The following SLC35F3 variants were observed in gnomAD, a reference collection of about 807,000 sequenced individuals.
SLC35F3 encodes the protein putative thiamine transporter SLC35F3.
SLC35F3 carries 25 observed loss-of-function variants against 49.9 expected under a neutral mutation model. The observed-to-expected ratio is 0.50, with a 90% CI of 0.37 to 0.70. The LOEUF (loss-of-function observed/expected upper bound fraction) is 0.70. Among genes scored for constraint, SLC35F3 ranks in the 30% least tolerant of loss-of-function variants. The pLI, the probability that SLC35F3 is intolerant of heterozygous loss-of-function variation, is 0.00. For missense variants in SLC35F3, 525 were observed against 639.8 expected, an observed-to-expected ratio of 0.82 and a Z score of 1.94; for synonymous variants, 275 against 265.4, an observed-to-expected ratio of 1.04 and a Z score of -0.35.
intron 2 of SLC35F3, among the ~76,000 whole-genome samples, chr1:233,922,007 G>GTA (rs995013663): frequency 2.0e-5 from 3 of 152,174 alleles, no homozygotes; most frequent in African/African-American, 7.2e-5. Context: ...ATTCCATGGT[G>GTA]TATATGTGCC....
intron 2 of SLC35F3, among the ~76,000 whole-genome samples, chr1:234,139,567 TC>T (rs1230778632): frequency 6.6e-6 from 1 of 152,158 alleles, no homozygotes. Context: ...AATACAGTCG[TC>T]CCCACTTATC....
At chr1:233,925,811 C>T (rs559071418) in intron 2 of SLC35F3, among the ~76,000 whole-genome samples, 2 of 152,236 alleles carry the variant, frequency 1.3e-5, no homozygotes, top group Admixed American at 1.3e-4. Flanking sequence ...TTCAGGAGCT[C>T]TTGTAAGGCA....
intron 2 of SLC35F3, among the ~76,000 whole-genome samples, chr1:234,197,485 G>T (rs115666096): frequency 6.6e-6 from 1 of 152,240 alleles, no homozygotes. Flanking sequence ...CCAGCACAGT[G>T]CCTGGTACAT....
chr1:233,982,294 G>C (rs1392424860), intron 2 of SLC35F3, among the ~76,000 whole-genome samples: 1 of 152,158 alleles, frequency 6.6e-6, no homozygotes, highest in African/African-American at 2.4e-5. Context: ...TGTACTATCA[G>C]TCCACGTCTT....
chr1:233,971,802 T>A (rs1662998312), intron 2 of SLC35F3, among the ~76,000 whole-genome samples: 1 of 151,060 alleles, frequency 6.6e-6, no homozygotes, highest in Non-Finnish European at 1.5e-5. Context: ...CAAAGACCAG[T>A]CTTATTAGCT....
chr1:234,194,098 A>G lies in SLC35F3; in HGVS notation c.284-37319A>G, dbSNP rs575899210. On this transcript the variant is annotated intron_variant, in intron 2 of 7. Transcript: ENST00000366618. ...AACTTCCATTTGATCCAAAAGTCCC[A>G]TTACTGGGTATATACCCAGAGGAAA... Among the ~76,000 whole-genome samples the G allele has an allele frequency of 5.3e-5, 8 of 151,712 alleles. No individual in the cohort carries two copies. The South Asian group carries it at 1.1e-3, about 20-fold the overall frequency.
At chr1:234,165,038 T>TTGTGTGTGTG (rs58676109) in intron 2 of SLC35F3, among the ~76,000 whole-genome samples, 4 of 137,880 alleles carry the variant, frequency 2.9e-5, no homozygotes, top group South Asian at 5.0e-4. Context: ...TAGCTTCAAT[T>TTGTGTGTGTG]TGTGTGTGTG....
chr1:234,154,351 G>C (rs1390342223), intron 2 of SLC35F3, among the ~76,000 whole-genome samples: 1 of 152,190 alleles, frequency 6.6e-6, no homozygotes, highest in Admixed American at 6.5e-5. Flanking sequence ...AATTGAATTG[G>C]AAATCTCAAT....
intron 2 of SLC35F3, among the ~76,000 whole-genome samples, chr1:234,068,504 C>T (rs536295498): frequency 1.1e-4 from 16 of 151,920 alleles, no homozygotes; most frequent in African/African-American, 1.5e-4. Context: ...ACTACAGGCG[C>T]GTGCCACCAT....
At chr1:233,989,895 A>G (rs144382286) in intron 2 of SLC35F3, among the ~76,000 whole-genome samples, 164 of 152,290 alleles carry the variant, frequency 1.1e-3, no homozygotes, top group African/African-American at 3.8e-3. Context: ...ATTGAAAAAA[A>G]TGATTATCGT....
At chr1:233,948,878 A>C (rs1662559993) in intron 2 of SLC35F3, among the ~76,000 whole-genome samples, 1 of 152,152 alleles carries the variant, frequency 6.6e-6, no homozygotes, top group Non-Finnish European at 1.5e-5. Context: ...ACTTGCTTGC[A>C]ACAATTCAAA....
chr1:234,022,588 A>T (rs1256781660), intron 2 of SLC35F3, among the ~76,000 whole-genome samples: 1 of 152,188 alleles, frequency 6.6e-6, no homozygotes. Context: ...ATATCTTCAC[A>T]GGGACCTCTA....
chr1:234,117,225 C>CT (rs1665500308), intron 2 of SLC35F3, among the ~76,000 whole-genome samples: 1 of 152,154 alleles, frequency 6.6e-6, no homozygotes, highest in Admixed American at 6.5e-5. Context: ...ACTCTTAGCT[C>CT]TGAGTGCTAT....
chr1:234,174,882 G>T (rs901832944), intron 2 of SLC35F3, among the ~76,000 whole-genome samples: 1 of 152,168 alleles, frequency 6.6e-6, no homozygotes, highest in African/African-American at 2.4e-5. Context: ...TTCACCAAGG[G>T]ACCAAGGGAA....
chr1:234,209,553 T>C (rs1217524491), intron 2 of SLC35F3, among the ~76,000 whole-genome samples: 5 of 152,068 alleles, frequency 3.3e-5, no homozygotes, highest in Admixed American at 2.0e-4. Flanking sequence ...ATATGGTCAA[T>C]TAGACAGAAA....
At chr1:234,149,855 A>G (rs1666047652) in intron 2 of SLC35F3, among the ~76,000 whole-genome samples, 1 of 152,214 alleles carries the variant, frequency 6.6e-6, no homozygotes, top group Non-Finnish European at 1.5e-5. Flanking sequence ...TTGCCATTCA[A>G]AATGTATTTA....
chr1:234,049,498 C>T (rs962320718), intron 2 of SLC35F3, among the ~76,000 whole-genome samples: 3 of 152,142 alleles, frequency 2.0e-5, no homozygotes, highest in Admixed American at 1.3e-4. Flanking sequence ...AAATTTCTGG[C>T]ACCTTGATCA....
At chr1:234,255,304 C>T (rs1049000525) in intron 3 of SLC35F3, among the ~76,000 whole-genome samples, 3 of 152,108 alleles carry the variant, frequency 2.0e-5, no homozygotes. Flanking sequence ...AATGAGATAC[C>T]ACTACACACC....
At chr1:234,172,205 C>G (rs1666408919) in intron 2 of SLC35F3, among the ~76,000 whole-genome samples, 1 of 152,152 alleles carries the variant, frequency 6.6e-6, no homozygotes, top group South Asian at 2.1e-4. Flanking sequence ...GGGTCAGTGC[C>G]ACAGCCCCAA....
Sources: gnomAD v4.1 joint callset for allele counts (sites outside exome capture counted in the v4.1 genomes callset) on GRCh38, gnomAD v4.1.1 for gene constraint, MANE v1.5 for transcripts, NCBI Gene and HGNC (gene_info 2026-07-23, HGNC 2026-07-21) for gene names.